The following HTR1F variants were observed in gnomAD, a reference collection of about 807,000 sequenced individuals.
The protein encoded by HTR1F is 5-hydroxytryptamine receptor 1F.
HTR1F carries 17 observed loss-of-function variants against 24.0 expected under a neutral mutation model. That is an observed-to-expected ratio of 0.71 (90% confidence interval 0.48 to 1.06). The LOEUF (loss-of-function observed/expected upper bound fraction) is 1.06, where lower values mean the gene tolerates loss of function less well. HTR1F is among the 50% of genes least tolerant of loss of function. HTR1F has a pLI of 0.00. For missense variants in HTR1F, 391 were observed against 427.8 expected (o/e 0.91, Z 0.76); for synonymous variants, 186 against 156.8 (o/e 1.19, Z -1.39).
chr3:87,913,825 A>G (rs968630779), intron 2 of HTR1F, among the ~76,000 whole-genome samples: 3 of 152,160 alleles, frequency 2.0e-5, no homozygotes, highest in African/African-American at 7.2e-5. Flanking sequence ...GGAAACTAAC[A>G]CAGGAACAGA....
At chr3:87,834,791 T>C (rs1397355513) in intron 2 of HTR1F, among the ~76,000 whole-genome samples, 2 of 152,234 alleles carry the variant, frequency 1.3e-5, no homozygotes, top group African/African-American at 2.4e-5. Flanking sequence ...ATAAAAATTA[T>C]AGGAAATTCA....
chr3:87,952,558 A>G (rs1488966713), intron 2 of HTR1F, among the ~76,000 whole-genome samples: 2 of 151,996 alleles, frequency 1.3e-5, no homozygotes, highest in Non-Finnish European at 2.9e-5. Context: ...GCATCAATAA[A>G]TTGCGATCAG....
chr3:87,874,151 A>G (rs796477117), intron 2 of HTR1F, among the ~76,000 whole-genome samples: 1 of 152,096 alleles, frequency 6.6e-6, no homozygotes, highest in Non-Finnish European at 1.5e-5. Flanking sequence ...GAAAAAGAAA[A>G]AAAGGTGACC....
chr3:87,946,627 A>ATAT (rs1215280576), intron 2 of HTR1F, among the ~76,000 whole-genome samples: 7 of 129,156 alleles, frequency 5.4e-5, no homozygotes, highest in African/African-American at 2.1e-4. Flanking sequence ...ATATATATAT[A>ATAT]TTTTTTTTTT....
chr3:87,875,560 G>A (rs72913711), intron 2 of HTR1F, among the ~76,000 whole-genome samples: 6,573 of 152,044 alleles, frequency 0.043, 440 homozygotes, highest in African/African-American at 0.15. Flanking sequence ...ATTTGATAAG[G>A]AGTTAATATC....
Position 87,991,569 on chromosome 3 carries a change from CA to C in HTR1F, c.821del (p.His274LeufsTer24). 2 of 1,614,032 alleles carry C rather than the reference CA, an allele frequency of 1.2e-6. No individual in the cohort carries two copies. The highest frequency in any genetic ancestry group is 1.7e-6 in the Non-Finnish European group (2 of 1,179,982). On this transcript the variant is annotated frameshift_variant, in exon 3 of 3. Coordinates refer to ENST00000319595, the MANE Select transcript of HTR1F (RefSeq NM_001322209.2). LOFTEE classifies it high-confidence loss of function. ...GAGAAGTCTCAGGTCTGAATTCAAG[CA>C]TGAGAAATCTTGGAGAAGGCAAAAG... ...TVRSLRSEFK[H>X]EKSWRRQKIS... is the part of the protein sequence containing the mutation.
At chr3:87,831,019 C>A (rs1704562255) in intron 2 of HTR1F, among the ~76,000 whole-genome samples, 1 of 152,016 alleles carries the variant, frequency 6.6e-6, no homozygotes, top group Admixed American at 6.6e-5. Flanking sequence ...AGTGCAATAT[C>A]CTCTGAGTCT....
intron 1 of HTR1F, among the ~76,000 whole-genome samples, chr3:87,805,527 A>G (rs1704059953): frequency 6.6e-6 from 1 of 152,002 alleles, no homozygotes. Flanking sequence ...TTTTACATAT[A>G]TAGAGAGTAC....
At chr3:87,904,859 G>C (rs570044547) in intron 2 of HTR1F, among the ~76,000 whole-genome samples, 1 of 152,170 alleles carries the variant, frequency 6.6e-6, no homozygotes, top group Non-Finnish European at 1.5e-5. Context: ...TAATGTTTTG[G>C]AGGAGACATA....
chr3:87,977,570 TTTC>T (rs1705425222), intron 2 of HTR1F, among the ~76,000 whole-genome samples: 1 of 150,100 alleles, frequency 6.7e-6, no homozygotes, highest in Admixed American at 6.6e-5. Flanking sequence ...AGCTAATTTT[TTTC>T]TTTTTTTTTT....
intron 2 of HTR1F, among the ~76,000 whole-genome samples, chr3:87,989,133 T>C (rs1364027881): frequency 6.6e-6 from 1 of 152,182 alleles, no homozygotes; most frequent in Admixed American, 6.6e-5. Context: ...AGAGGATTGA[T>C]TTAAAAAAAT....
At chr3:87,839,028 T>A (rs994130) in intron 2 of HTR1F, among the ~76,000 whole-genome samples, 35,217 of 150,144 alleles carry the variant, frequency 0.23, 6,265 homozygotes, top group African/African-American at 0.51. Context: ...ATTTTTATTT[T>A]TTTTTTTTGC....
Position 87,993,179 on chromosome 3 carries a change from A to T in HTR1F, c.*1329A>T, listed in dbSNP as rs1375156224. On this transcript the variant is annotated 3_prime_UTR_variant, in exon 3 of 3. Transcript: ENST00000319595. The stretch of plus-strand genomic sequence containing the variant: ...TTTTTTAAGTTGTACATTTATGTGC[A>T]TTGTAAATATTCCTTCCTGATGGTG... The T allele has an allele frequency of 6.0e-6, 1 of 166,952 alleles. No individual in the cohort carries two copies. The allele number at this position is 166,952 out of a possible 1,614,324, so 10.3% of individuals were successfully genotyped here. A position where few individuals can be genotyped will look rare whatever the true frequency, so the allele number is the denominator to read the frequency against.
chr3:87,883,914 C>T (rs1391700370), intron 2 of HTR1F, among the ~76,000 whole-genome samples: 1 of 152,252 alleles, frequency 6.6e-6, no homozygotes, highest in South Asian at 2.1e-4. Flanking sequence ...AGTTGGAAAA[C>T]ACTCTTCAGG....
intron 2 of HTR1F, among the ~76,000 whole-genome samples, chr3:87,967,199 C>T (rs1430173126): frequency 6.6e-6 from 1 of 152,166 alleles, no homozygotes; most frequent in African/African-American, 2.4e-5. Context: ...TCTGTAATCC[C>T]AGCACTTTGG....
chr3:87,939,126 A>G (rs955535010), intron 2 of HTR1F, among the ~76,000 whole-genome samples: 10 of 152,210 alleles, frequency 6.6e-5, no homozygotes, highest in Admixed American at 1.3e-4. Context: ...ATCTATTGAG[A>G]TAATCGTGTA....
At chr3:87,939,414 T>C (rs1704506713) in intron 2 of HTR1F, among the ~76,000 whole-genome samples, 1 of 152,206 alleles carries the variant, frequency 6.6e-6, no homozygotes, top group Admixed American at 6.5e-5. Flanking sequence ...GGAGTCCCTC[T>C]TTCTCTATTG....
chr3:87,795,415 C>T (rs370601404), intron 1 of HTR1F, among the ~76,000 whole-genome samples: 1 of 152,150 alleles, frequency 6.6e-6, no homozygotes, highest in African/African-American at 2.4e-5. Flanking sequence ...CTCTCTAGTA[C>T]GTTAGTAATA....
chr3:87,970,144 G>A (rs1367647842), intron 2 of HTR1F, among the ~76,000 whole-genome samples: 1 of 152,184 alleles, frequency 6.6e-6, no homozygotes, highest in Non-Finnish European at 1.5e-5. Flanking sequence ...AGAGGTAAAT[G>A]TAGGTTGCAA....
Sources: gnomAD v4.1 joint callset for allele counts (sites outside exome capture counted in the v4.1 genomes callset) on GRCh38, gnomAD v4.1.1 for gene constraint, MANE v1.5 for transcripts, NCBI Gene and HGNC (gene_info 2026-07-23, HGNC 2026-07-21) for gene names.